Variants in BCKDHB observed in about 807,000 individuals in gnomAD.
BCKDHB encodes the protein branched chain keto acid dehydrogenase E1 subunit beta.
A neutral mutation model predicts 48.5 loss-of-function variants in BCKDHB; 41 were observed. The observed-to-expected ratio is 0.85, with a 90% CI of 0.66 to 1.10. The LOEUF (loss-of-function observed/expected upper bound fraction) is 1.10. Among genes scored for constraint, BCKDHB ranks in the 50% least tolerant of loss-of-function variants. The probability of loss-of-function intolerance (pLI) is 0.00; values close to 1 mark genes in which losing one functional copy is unlikely to be tolerated. For synonymous variants in BCKDHB, 201 were observed against 174.8 expected (o/e 1.15, Z -1.18); for missense variants, 496 against 494.2 (o/e 1.00, Z -0.03).
rs578110941 is a variant in BCKDHB, at chr6:80,112,057, T to C, written c.196+5168T>C. Among the ~76,000 whole-genome samples the C allele has an allele frequency of 3.3e-5, 5 of 152,368 alleles. No homozygotes were observed. The South Asian group carries it at 1.0e-3, about 32-fold the overall frequency. On this transcript the variant is annotated intron_variant, in intron 1 of 9. Coordinates refer to ENST00000320393, the MANE Select transcript of BCKDHB (RefSeq NM_183050.4). ...AAAGTTATACTTAAGTCATGTGAACTTGAAAATTGCTTAGACTTATTTACT... is the reference window on the plus strand; with the variant it reads ...AAAGTTATACTTAAGTCATGTGAACCTGAAAATTGCTTAGACTTATTTACT...
chr6:80,466,038 AT>A, the BCKDHB span: 1 of 152,210 alleles, frequency 6.6e-6, no homozygotes, highest in Non-Finnish European at 1.5e-5. Context: ...ATTTGTCGTA[AT>A]TATCTACTTT....
the BCKDHB span, chr6:80,373,868 T>A: frequency 5.5e-6 from 2 of 362,304 alleles, no homozygotes; most frequent in Admixed American, 7.7e-5. Context: ...TATATTTTTC[T>A]ACCCCTTTAC....
chr6:80,128,144 A>G (rs894583266), intron 2 of BCKDHB, among the ~76,000 whole-genome samples: 1 of 151,824 alleles, frequency 6.6e-6, no homozygotes, highest in Non-Finnish European at 1.5e-5. Context: ...TTTACTTCAT[A>G]TATGTATATA....
At chr6:80,138,500 G>A (rs975653058) in intron 3 of BCKDHB, among the ~76,000 whole-genome samples, 4 of 151,944 alleles carry the variant, frequency 2.6e-5, no homozygotes, top group African/African-American at 4.8e-5. Context: ...GTGTCCATGT[G>A]TTCTCATTGT....
At chr6:80,219,004 A>G (rs1450400657) in intron 8 of BCKDHB, among the ~76,000 whole-genome samples, 1 of 152,024 alleles carries the variant, frequency 6.6e-6, no homozygotes, top group Non-Finnish European at 1.5e-5. Context: ...ATCTAGATCA[A>G]ATGGTTTGCC....
the BCKDHB span, among the ~76,000 whole-genome samples, chr6:80,424,913 A>G: frequency 6.6e-6 from 1 of 152,336 alleles, no homozygotes; most frequent in East Asian, 1.9e-4. Context: ...AAAGAGTCCA[A>G]GGAAAGCTTG....
rs529816676 is a variant in BCKDHB at position 80,171,690 on chromosome 6, G to A, written c.742+300G>A. ...TAGTAAATATGGATTGAACAGAAAA[G>A]TAAATGAGCTCATTTTACTAAATAG... is the stretch of plus-strand genomic sequence containing the variant. On this transcript the variant is annotated intron_variant, in intron 6 of 9. Coordinates refer to ENST00000320393, the MANE Select transcript of BCKDHB (RefSeq NM_183050.4). Among the ~76,000 whole-genome samples the A allele has an allele frequency of 1.1e-4, 16 of 152,154 alleles. No homozygotes were observed. In the South Asian group the frequency reaches 3.3e-3, roughly 32 times the overall value.
intron 9 of BCKDHB, among the ~76,000 whole-genome samples, chr6:80,278,590 C>T (rs576060539): frequency 6.6e-6 from 1 of 152,038 alleles, no homozygotes; most frequent in Admixed American, 6.6e-5. Flanking sequence ...GAGGGAGTCT[C>T]GCTCTGTCGC....
intron 1 of BCKDHB, among the ~76,000 whole-genome samples, chr6:80,113,564 C>G (rs370468743): frequency 5.9e-5 from 9 of 152,296 alleles, no homozygotes; most frequent in Admixed American, 5.9e-4. Flanking sequence ...AAAGCATTCC[C>G]CTGTATGGAG....
At chr6:80,245,814 G>A (rs1776586802) in intron 8 of BCKDHB, among the ~76,000 whole-genome samples, 1 of 152,150 alleles carries the variant, frequency 6.6e-6, no homozygotes, top group Non-Finnish European at 1.5e-5. Flanking sequence ...GGTGGTTCAT[G>A]TCTGCAATCC....
chr6:80,258,325 G>A (rs1029849993), intron 8 of BCKDHB, among the ~76,000 whole-genome samples: 3 of 152,216 alleles, frequency 2.0e-5, no homozygotes, highest in Non-Finnish European at 4.4e-5. Flanking sequence ...TCATCAAGCT[G>A]AGTCAGAGAT....
At chr6:80,280,022 G>A (rs1778132322) in intron 9 of BCKDHB, among the ~76,000 whole-genome samples, 1 of 152,158 alleles carries the variant, frequency 6.6e-6, no homozygotes, top group Admixed American at 6.5e-5. Flanking sequence ...ATTAGGCAAA[G>A]GATTTGCTAT....
chr6:80,424,887 T>C, the BCKDHB span, among the ~76,000 whole-genome samples: 5 of 152,238 alleles, frequency 3.3e-5, no homozygotes, highest in East Asian at 9.6e-4. Context: ...CCATGGGATC[T>C]GGAATAGAGA....
At chr6:80,410,564 G>T in the BCKDHB span, among the ~76,000 whole-genome samples, 1 of 152,140 alleles carries the variant, frequency 6.6e-6, no homozygotes, top group Non-Finnish European at 1.5e-5. Context: ...CATTCTCCCT[G>T]TCACTTTCAG....
chr6:80,194,471 C>T (rs925632086), intron 6 of BCKDHB, among the ~76,000 whole-genome samples: 9 of 152,154 alleles, frequency 5.9e-5, no homozygotes, highest in African/African-American at 2.2e-4. Context: ...GACTGAGATT[C>T]TATCCAGAGT....
At chr6:80,269,858 A>G (rs568679001) in intron 8 of BCKDHB, among the ~76,000 whole-genome samples, 2 of 152,206 alleles carry the variant, frequency 1.3e-5, no homozygotes, top group East Asian at 3.9e-4. Context: ...TACTGCATTA[A>G]TTTTTACTAA....
At chr6:80,409,821 G>A in the BCKDHB span, among the ~76,000 whole-genome samples, 1 of 151,396 alleles carries the variant, frequency 6.6e-6, no homozygotes, top group South Asian at 2.1e-4. Flanking sequence ...GTGTGTCTCT[G>A]CACATGAAAT....
intron 8 of BCKDHB, among the ~76,000 whole-genome samples, chr6:80,213,472 G>A (rs550220530): frequency 2.0e-5 from 3 of 152,010 alleles, no homozygotes; most frequent in Non-Finnish European, 4.4e-5. Flanking sequence ...GTTACTATTT[G>A]TATAGCAGCT....
At chr6:80,374,977 C>A in the BCKDHB span, among the ~76,000 whole-genome samples, 1 of 152,164 alleles carries the variant, frequency 6.6e-6, no homozygotes, top group Admixed American at 6.5e-5. Flanking sequence ...AAAGATAGAA[C>A]CCGAATCCCT....
Sources: gnomAD v4.1 joint callset for allele counts (sites outside exome capture counted in the v4.1 genomes callset) on GRCh38, gnomAD v4.1.1 for gene constraint, MANE v1.5 for transcripts, NCBI Gene and HGNC (gene_info 2026-07-23, HGNC 2026-07-21) for gene names.